Variants in DCST1 observed in about 807,000 individuals in gnomAD.
DCST1 encodes E3 ubiquitin-protein ligase DCST1.
A neutral mutation model predicts 89.1 loss-of-function variants in DCST1; 78 were observed. The ratio of observed to expected loss-of-function variants is 0.88; its 90% CI spans 0.73 to 1.06. The LOEUF (loss-of-function observed/expected upper bound fraction) is 1.06. Among genes scored for constraint, DCST1 ranks in the 50% least tolerant of loss-of-function variants. The probability of loss-of-function intolerance (pLI) is 0.00; values close to 1 mark genes in which losing one functional copy is unlikely to be tolerated. For missense variants in DCST1, 900 were observed against 928.6 expected, an observed-to-expected ratio of 0.97 and a Z score of 0.40; for synonymous variants, 364 against 371.9, an observed-to-expected ratio of 0.98 and a Z score of 0.24.
chr1:155,035,858 A>G (rs1660266676), intron 4 of DCST1, among the ~76,000 whole-genome samples: 1 of 152,052 alleles, frequency 6.6e-6, no homozygotes, highest in Admixed American at 6.5e-5. Context: ...TGAACCCAGG[A>G]GGCAGAGATT....
intron 4 of DCST1, 144 bp downstream of exon 4, chr1:155,034,871 A>C: frequency 1.2e-6 from 1 of 831,770 alleles, no homozygotes; most frequent in Non-Finnish European, 1.9e-6. Context: ...CTTTACGGGG[A>C]GGTCCAGAGG....
Position 155,043,428 on chromosome 1 carries a change from A to ACC in DCST1, c.1092_1093dup (p.Arg365ProfsTer90). 6.2e-7 allele frequency: 1 copy of ACC among 1,613,640 alleles called. No individual in the cohort carries two copies. Among genetic ancestry groups the ACC allele is most frequent in the Non-Finnish European group, 8.5e-7 (1 of 1,179,820 alleles). On this transcript the variant is annotated frameshift_variant, in exon 10 of 17. Transcript: ENST00000295542. LOFTEE classifies it high-confidence loss of function. ...AGCACCGAGGTGCGGGACTACGTGTACCGCCAGGAGGCCCGGCTGGAGTGG... is the reference window on the plus strand; with the variant it reads ...AGCACCGAGGTGCGGGACTACGTGTACCCCGCCAGGAGGCCCGGCTGGAGTGG...
intron 5 of DCST1, among the ~76,000 whole-genome samples, chr1:155,039,836 C>T (rs1342388773): frequency 6.6e-6 from 1 of 151,266 alleles, no homozygotes. Flanking sequence ...ACTAAAAATG[C>T]AAAAATTAGC....
Position 155,034,744 on chromosome 1 carries a change from A to C in DCST1, c.262+17A>C, listed in dbSNP as rs1660218757. 6.2e-7 allele frequency: 1 copy of C among 1,613,808 alleles called. No homozygotes were observed. The highest frequency in any genetic ancestry group is 8.5e-7 in the Non-Finnish European group (1 of 1,179,918). On this transcript the variant is annotated intron_variant, in intron 4 of 16. Coordinates refer to ENST00000295542, the MANE Select transcript of DCST1 (RefSeq NM_152494.4). ...GCTTGGTGGGTTAGTGCTGGGCAAA[A>C]GCCAGGAACACTCAAGCGGCCTGTG... is the stretch of plus-strand genomic sequence containing the variant.
intron 5 of DCST1, 58 bp downstream of exon 5, chr1:155,039,589 A>G: frequency 6.8e-7 from 1 of 1,471,294 alleles, no homozygotes; most frequent in African/African-American, 1.4e-5. Flanking sequence ...TGGGTCATCC[A>G]ATGGGAGCCA....
rs888920763 is a variant in DCST1 at position 155,050,795 on chromosome 1, T to A, written c.2048T>A (p.Val683Asp). The change falls in exon 17 of 17, where the codon GTC becomes GAC. Residue 683 changes from valine to aspartate, a missense_variant. Coordinates refer to ENST00000295542, the MANE Select transcript of DCST1 (RefSeq NM_152494.4). Reference sequence around the variant, plus strand: ...GACGACATGCGGCAGCGGTGCCCGGTCTGCACGCCCCGCGAAGAGCTCTCT... The same window carrying A: ...GACGACATGCGGCAGCGGTGCCCGGACTGCACGCCCCGCGAAGAGCTCTCT... Reference protein sequence around the residue: ...CWDDMRQRCPVCTPREELSSS... With the variant: ...CWDDMRQRCPDCTPREELSSS... The A allele has an allele frequency of 1.2e-6, 2 of 1,611,794 alleles. No homozygotes were observed. Among genetic ancestry groups the A allele is most frequent in the Non-Finnish European group, 8.5e-7 (1 of 1,179,248 alleles).
intron 10 of DCST1, among the ~76,000 whole-genome samples, chr1:155,044,595 G>A (rs1176430330): frequency 6.6e-6 from 1 of 152,184 alleles, no homozygotes; most frequent in East Asian, 1.9e-4. Context: ...GTGTATGGGA[G>A]CTGGGAAGGT....
intron 9 of DCST1, 110 bp downstream of exon 9, chr1:155,042,966 CA>C (rs1176821444): frequency 1.9e-5 from 27 of 1,429,580 alleles, no homozygotes; most frequent in Admixed American, 9.2e-5. Flanking sequence ...AAGAGGTGAC[CA>C]GGGGTGAGGG....
chr1:155,041,657 G>A, intron 7 of DCST1, 44 bp downstream of exon 7: 1 of 1,613,954 alleles, frequency 6.2e-7, no homozygotes, highest in East Asian at 2.2e-5. Flanking sequence ...TGGGATGTGG[G>A]GCCAGCATTG....
intron 4 of DCST1, among the ~76,000 whole-genome samples, chr1:155,038,461 G>C (rs1660337415): frequency 2.0e-5 from 3 of 152,224 alleles, no homozygotes; most frequent in Admixed American, 1.3e-4. Context: ...GACATAGGGA[G>C]ACTCATCAGG....
intron 5 of DCST1, among the ~76,000 whole-genome samples, 199 bp downstream of exon 5, chr1:155,039,730 G>C (rs1426866703): frequency 2.6e-5 from 4 of 152,146 alleles, no homozygotes; most frequent in African/African-American, 9.7e-5. Context: ...CAGGCACGGT[G>C]GTTCATGCCT....
At chr1:155,040,272 C>T (rs1660399616) in intron 5 of DCST1, among the ~76,000 whole-genome samples, 2 of 142,498 alleles carry the variant, frequency 1.4e-5, no homozygotes, top group South Asian at 4.4e-4. Context: ...CACTGCACTC[C>T]AGCCTGGGCA....
chr1:155,050,495 A>G, intron 16 of DCST1, 122 bp from the exon 17 acceptor site: 1 of 1,374,770 alleles, frequency 7.3e-7, no homozygotes, highest in Non-Finnish European at 9.6e-7. Context: ...CCTTTGTCCA[A>G]CCCAGCCTCC....
At chr1:155,048,234 C>A in intron 16 of DCST1, 64 bp downstream of exon 16, 1 of 1,300,680 alleles carries the variant, frequency 7.7e-7, no homozygotes, top group South Asian at 1.2e-5. Context: ...AGGCAAGGGG[C>A]AGCTCCCTTC....
At chr1:155,040,655 G>A in intron 6 of DCST1, 31 bp downstream of exon 6, 1 of 1,528,884 alleles carries the variant, frequency 6.5e-7, no homozygotes, top group Admixed American at 2.0e-5. Context: ...GAGCCTGGGG[G>A]GTCCCTCTCC....
At position 155,042,820 on chromosome 1, in the gene DCST1, C is replaced by T. The variant is rs1168840953; in HGVS notation, c.978C>T (p.Gly326=). The T allele has an allele frequency of 6.2e-7, 1 of 1,614,116 alleles. No homozygotes were observed. Among genetic ancestry groups the T allele is most frequent in the Admixed American group, 1.7e-5 (1 of 60,022 alleles). ...ACTCCCTCAACCAGTCTATTCGTGG[C>T]CTGGATGGGGAATTTTCAGCCAATA... The part of the protein sequence containing the change: ...TYDSLNQSIR[G]LDGEFSANID... The change falls in exon 9 of 17, where the codon GGC becomes GGT. Residue 326 remains glycine, a synonymous_variant. Transcript: ENST00000295542.
chr1:155,041,364 C>T, intron 6 of DCST1, 33 bp from the exon 7 acceptor site: 3 of 1,610,448 alleles, frequency 1.9e-6, no homozygotes, highest in Non-Finnish European at 2.5e-6. Context: ...AGCCCCAGCC[C>T]TCACCCTTTC....
At position 155,043,510 on chromosome 1, in the gene DCST1, G is replaced by C; in HGVS notation, c.1172+1G>C. On this transcript the variant is annotated splice_donor_variant, in intron 10 of 16. Transcript: ENST00000295542. LOFTEE classifies it high-confidence loss of function. ...GCACTTTCCTGCTGGTCCTGCATGC[G>C]TGAGCCATAGTCCCCACCCCAGCAG... is the stretch of plus-strand genomic sequence containing the variant. 1.3e-6 allele frequency: 2 copies of C among 1,578,978 alleles called. No homozygotes were observed. The highest frequency in any genetic ancestry group is 1.2e-5 in the South Asian group (1 of 84,556).
chr1:155,050,504 C>A, intron 16 of DCST1, 113 bp from the exon 17 acceptor site: 1 of 1,399,456 alleles, frequency 7.1e-7, no homozygotes, highest in Non-Finnish European at 9.4e-7. Flanking sequence ...AACCCAGCCT[C>A]CTCCAACACG....
Sources: allele counts gnomAD v4.1 joint callset (sites outside exome capture counted in the v4.1 genomes callset), GRCh38; gene constraint gnomAD v4.1.1; transcripts MANE v1.5; gene names NCBI Gene and HGNC (gene_info 2026-07-23, HGNC 2026-07-21).